Variants in CACTIN observed in about 807,000 individuals in gnomAD.
CACTIN encodes cactin, spliceosome C complex subunit.
Under a neutral mutation model 84.9 loss-of-function variants are expected in CACTIN, and 20 were observed. The observed-to-expected ratio is 0.24, with a 90% CI of 0.17 to 0.34. CACTIN has a LOEUF of 0.34. Among genes scored for constraint, CACTIN ranks in the 10% least tolerant of loss-of-function variants. CACTIN has a pLI of 1.00. For missense variants in CACTIN, 897 were observed against 1,117.2 expected (o/e 0.80, Z 2.81); for synonymous variants, 549 against 467.9 (o/e 1.17, Z -2.24).
In CACTIN at chr19:3,625,858, C is replaced by T. The variant is rs138128898; in HGVS notation, c.167+738G>A. Among the ~76,000 whole-genome samples, 354 of 152,334 alleles carry T rather than the reference C, an allele frequency of 2.3e-3. 2 individuals carry two copies. Among genetic ancestry groups the T allele is most frequent in the African/African-American group, 7.6e-3 (318 of 41,570 alleles). ...CCCCGGTCTGGGAATCAGTCCCTGT[C>T]CCCATTTTGGTTTCTCTGTACTGGA... On this transcript the variant is annotated intron_variant, in intron 1 of 9. Coordinates refer to ENST00000429344, the MANE Select transcript of CACTIN (RefSeq NM_001080543.2).
At chr19:3,619,363 T>A (rs1372652425) in intron 4 of CACTIN, 121 bp from the exon 5 acceptor site, 2 of 1,198,796 alleles carry the variant, frequency 1.7e-6, no homozygotes, top group Non-Finnish European at 2.3e-6. Flanking sequence ...TTGGGGGTGG[T>A]CAGGGAAGGC....
At position 3,613,362 on chromosome 19, in the gene CACTIN, C is replaced by T. The variant is rs749677682; in HGVS notation, c.1482G>A (p.Leu494=). The T allele has an allele frequency of 3.8e-4, 573 of 1,517,646 alleles. No individual in the cohort carries two copies. Among genetic ancestry groups the T allele is most frequent in the Non-Finnish European group, 4.7e-4 (533 of 1,137,648 alleles). The allele number at this position is 1,517,646 out of a possible 1,614,324, so 94.0% of individuals were successfully genotyped here. A position where few individuals can be genotyped will look rare whatever the true frequency, so the allele number is the denominator to read the frequency against. ...KQEPQSPSRS[L]EPEDAAPTPP... is the part of the protein sequence containing the mutation. ...GGGTGGGCGCCGCGTCCTCAGGCTC[C>T]AGGCTGGGAGGAGAGAGCGTTGGAG... is the stretch of plus-strand genomic sequence containing the variant. Residue 494 remains leucine (L), a synonymous_variant, in exon 9 of 10, where the codon CTG becomes CTA. Coordinates refer to ENST00000429344, the MANE Select transcript of CACTIN (RefSeq NM_001080543.2).
At chr19:3,625,832 G>A (rs1334546446) in intron 1 of CACTIN, among the ~76,000 whole-genome samples, 1 of 152,246 alleles carries the variant, frequency 6.6e-6, no homozygotes, top group Non-Finnish European at 1.5e-5. Context: ...CAGCACTGGG[G>A]CCCCGGTCTG....
At chr19:3,613,032 C>G (rs773622729) in intron 9 of CACTIN, 26 bp downstream of exon 9, 46 of 1,489,074 alleles carry the variant, frequency 3.1e-5, no homozygotes, top group Non-Finnish European at 3.9e-5. Context: ...CTGGCCCCAC[C>G]CCCTGGCCTC....
Position 3,619,107 on chromosome 19 carries a change from G to C in CACTIN, c.1020C>G (p.Asp340Glu). 1 of 1,575,356 alleles carries C rather than the reference G, an allele frequency of 6.3e-7. No homozygotes were observed. The highest frequency in any genetic ancestry group is 2.4e-5 in the East Asian group (1 of 42,406). ...GGATATCCTCCAGCAGGTCCTCCATGTCGGCCACGGTGAGGCCGTTGAGGA... is the reference window on the plus strand; with the variant it reads ...GGATATCCTCCAGCAGGTCCTCCATCTCGGCCACGGTGAGGCCGTTGAGGA... ...YTFLNGLTVA[D>E]MEDLLEDIQV... The change falls in exon 5 of 10, where the codon GAC becomes GAG. Residue 340 changes from aspartate to glutamate, a missense_variant. Transcript: ENST00000429344.
chr19:3,624,532 A>G (rs2033295087), intron 1 of CACTIN, among the ~76,000 whole-genome samples: 1 of 152,076 alleles, frequency 6.6e-6, no homozygotes, highest in South Asian at 2.1e-4. Flanking sequence ...AGAGTGCTCG[A>G]GGCAGAGCAA....
rs1283825610 is a variant in CACTIN, at chr19:3,624,171, A to T, written c.168-9T>A. On this transcript the variant is annotated splice_polypyrimidine_tract_variant and intron_variant, in intron 1 of 9. Transcript: ENST00000429344. The stretch of plus-strand genomic sequence containing the variant: ...CTTCCTCTGAATCTGACCTGCGGAG[A>T]GGACCATGGATGCCTGCTCAGTGCC... The T allele has an allele frequency of 6.5e-7, 1 of 1,541,726 alleles. No individual in the cohort carries two copies. The highest frequency in any genetic ancestry group is 1.8e-5 in the Admixed American group (1 of 54,256).
rs972323255 is a variant in CACTIN, at chr19:3,613,125, C to G, written c.1719G>C (p.Ala573=). The change falls in exon 9 of 10, where the codon GCG becomes GCC. Residue 573 remains alanine, a synonymous_variant. Coordinates refer to ENST00000429344, the MANE Select transcript of CACTIN (RefSeq NM_001080543.2). ...GGTCCTCATCCGGTTCCAGCACGTG[C>G]GCGTCCAGTGGCAGCTCGTGCGCCG... ...LLTAHELPLD[A]HVLEPDEDLQ... is the part of the protein sequence containing the mutation. 1 of 1,606,636 alleles carries G rather than the reference C, an allele frequency of 6.2e-7. No homozygotes were observed. The highest frequency in any genetic ancestry group is 8.5e-7 in the Non-Finnish European group (1 of 1,178,756).
chr19:3,620,505 G>A (rs1411716877), intron 3 of CACTIN: 1 of 670,006 alleles, frequency 1.5e-6, no homozygotes, highest in Non-Finnish European at 2.6e-6. Context: ...GGAGCATGTG[G>A]GAGTGAAGGC....
chr19:3,619,562 G>A (rs1285539190), intron 4 of CACTIN, among the ~76,000 whole-genome samples: 1 of 152,240 alleles, frequency 6.6e-6, no homozygotes, highest in Admixed American at 6.5e-5. Flanking sequence ...ATGGGGAAGA[G>A]TGGAGGAGCT....
At chr19:3,625,509 C>T (rs1358353632) in intron 1 of CACTIN, among the ~76,000 whole-genome samples, 1 of 152,180 alleles carries the variant, frequency 6.6e-6, no homozygotes, top group African/African-American at 2.4e-5. Flanking sequence ...GCGGGCAGAT[C>T]ACTTGAGGCC....
chr19:3,618,538 G>T (rs558525576), intron 6 of CACTIN, among the ~76,000 whole-genome samples: 1 of 152,364 alleles, frequency 6.6e-6, no homozygotes, highest in South Asian at 2.1e-4. Flanking sequence ...GGTGGAGCGA[G>T]ACTTGCTGTC....
chr19:3,612,321 G>C lies in CACTIN; in HGVS notation c.1879C>G (p.Leu627Val). The C allele has an allele frequency of 6.2e-7, 1 of 1,612,628 alleles. No homozygotes were observed. Among genetic ancestry groups the C allele is most frequent in the South Asian group, 1.1e-5 (1 of 91,086 alleles). The change falls in exon 10 of 10, where the codon CTC becomes GTC. Residue 627 changes from leucine (L) to valine (V), a missense_variant. By Grantham distance (32) the Leu-to-Val change is conservative. Coordinates refer to ENST00000429344, the MANE Select transcript of CACTIN (RefSeq NM_001080543.2). Reference sequence around the variant, plus strand: ...GCCCACAGGTAGGCCTTGCCGGTGAGTGGCATCTCCACGCTGAACTGCGCC... The same window carrying C: ...GCCCACAGGTAGGCCTTGCCGGTGACTGGCATCTCCACGCTGAACTGCGCC... ...DEAQFSVEMP[L>V]TGKAYLWADK...
In CACTIN at chr19:3,612,454, CT is replaced by C. The variant is rs781564674; in HGVS notation, c.1787-42del. 91 of 1,536,992 alleles carry C rather than the reference CT, an allele frequency of 5.9e-5. No individual in the cohort carries two copies. In the Middle Eastern group the frequency reaches 1.1e-3, roughly 19 times the overall value. On this transcript the variant is annotated intron_variant, in intron 9 of 9. Coordinates refer to ENST00000429344, the MANE Select transcript of CACTIN (RefSeq NM_001080543.2). ...CGTTCACCCGGGCCTCGGCCTCCCC[CT>C]GGGTCCTGGCCTCCCTCCTAGCCTC...
intron 4 of CACTIN, 87 bp from the exon 5 acceptor site, chr19:3,619,329 G>A (rs2033173803): frequency 3.4e-6 from 5 of 1,473,070 alleles, no homozygotes; most frequent in South Asian, 2.6e-5. Flanking sequence ...CACACCAGTG[G>A]GAGCCGAGGA....
chr19:3,626,726 C>T lies in CACTIN; in HGVS notation c.37G>A (p.Gly13Ser), dbSNP rs1299822890. The stretch of plus-strand genomic sequence containing the variant: ...CTCTGCCGCCTTCGGCCCCGGCGAC[C>T]CGCGGACCGCGAGCGCGAGCGTGTG... The part of the protein sequence containing the change: ...RDTRSRSRSA[G>S]RRGRRRQSQS... Residue 13 changes from glycine to serine, a missense_variant, in exon 1 of 10, where the codon GGT becomes AGT. Gly to Ser is a moderately conservative substitution (Grantham distance 56). Coordinates refer to ENST00000429344, the MANE Select transcript of CACTIN (RefSeq NM_001080543.2). 3.3e-6 allele frequency: 5 copies of T among 1,493,646 alleles called. No individual in the cohort carries two copies. In the African/African-American group the frequency reaches 7.3e-5, roughly 22 times the overall value. The allele number at this position is 1,493,646 out of a possible 1,614,324, so 92.5% of individuals were successfully genotyped here.
Position 3,613,370 on chromosome 19 carries a change from G to C in CACTIN, c.1479-5C>G, listed in dbSNP as rs1412871423. The C allele has an allele frequency of 2.0e-6, 3 of 1,523,848 alleles. No homozygotes were observed. The highest frequency in any genetic ancestry group is 2.8e-5 in the African/African-American group (2 of 72,284). 94.4% of individuals were successfully genotyped at this position (1,523,848 alleles called of 1,614,324 possible). ...GCCGCGTCCTCAGGCTCCAGGCTGG[G>C]AGGAGAGAGCGTTGGAGGCGCGGAG... On this transcript the variant is annotated splice_region_variant and splice_polypyrimidine_tract_variant and intron_variant, in intron 8 of 9. Coordinates refer to ENST00000429344, the MANE Select transcript of CACTIN (RefSeq NM_001080543.2).
At chr19:3,612,474 T>C in intron 9 of CACTIN, 61 bp from the exon 10 acceptor site, 3 of 1,501,334 alleles carry the variant, frequency 2.0e-6, no homozygotes, top group Non-Finnish European at 2.6e-6. Flanking sequence ...GCCTCCCTCC[T>C]AGCCTCTCTG....
In CACTIN at chr19:3,615,907, C is replaced by CCCAG. The variant is rs1423222978; in HGVS notation, c.1163-1322_1163-1319dup. 2 of 152,092 alleles carry CCCAG rather than the reference C, an allele frequency of 1.3e-5. No individual in the cohort carries two copies. The highest frequency in any genetic ancestry group is 2.9e-5 in the Non-Finnish European group (2 of 68,038). The allele number at this position is 152,092 out of a possible 1,614,324, so 9.4% of individuals were successfully genotyped here. On this transcript the variant is annotated intron_variant, in intron 6 of 9. Transcript: ENST00000429344. The surrounding 1 kb of genome is among the most constrained non-coding windows in gnomAD (Gnocchi z 5.2). The stretch of plus-strand genomic sequence containing the variant: ...AAGTGGCACTGGAATCCGTGGCAGC[C>CCCAG]CCAGCCAAGCACAGCGCGGCCGTGC...
Sources: gnomAD v4.1 joint callset for allele counts (sites outside exome capture counted in the v4.1 genomes callset) on GRCh38, gnomAD v4.1.1 for gene constraint, Gnocchi (gnomAD v3.1) non-coding constraint, MANE v1.5 for transcripts, NCBI Gene and HGNC (gene_info 2026-07-23, HGNC 2026-07-21) for gene names.